DLC1: variants seen among roughly 807,000 people sequenced by gnomAD.
DLC1 encodes rho GTPase-activating protein 7.
Under a neutral mutation model 140.3 loss-of-function variants are expected in DLC1, and 54 were observed. The ratio of observed to expected loss-of-function variants is 0.38; its 90% confidence interval spans 0.31 to 0.48. The LOEUF (loss-of-function observed/expected upper bound fraction) is 0.48, where lower values mean the gene tolerates loss of function less well. Among genes scored for constraint, DLC1 ranks in the 20% least tolerant of loss-of-function variants. The pLI is 0.96. For synonymous variants in DLC1, 986 were observed against 728.1 expected (o/e 1.35, Z -5.70); for missense variants, 2,536 against 1,907.0 (o/e 1.33, Z -6.14).
At chr8:13,581,748 T>C (rs1805106682) in intron 1 of DLC1, among the ~76,000 whole-genome samples, 1 of 152,220 alleles carries the variant, frequency 6.6e-6, no homozygotes, top group Admixed American at 6.5e-5. Flanking sequence ...TCCCATAGAA[T>C]AACACCCAAC....
At chr8:13,236,486 T>C (rs905094333) in intron 5 of DLC1, among the ~76,000 whole-genome samples, 1 of 152,134 alleles carries the variant, frequency 6.6e-6, no homozygotes, top group Admixed American at 6.5e-5. Flanking sequence ...ACCTTGTCCA[T>C]ATAGTCGTTT....
chr8:13,412,311 A>AT (rs924044114), intron 2 of DLC1, among the ~76,000 whole-genome samples: 2 of 152,124 alleles, frequency 1.3e-5, no homozygotes, highest in South Asian at 2.1e-4. Flanking sequence ...TGGAAATAGA[A>AT]TTTTTTTCCC....
At chr8:13,093,666 A>G (rs984145151) in intron 12 of DLC1, among the ~76,000 whole-genome samples, 32 of 152,340 alleles carry the variant, frequency 2.1e-4, no homozygotes, top group African/African-American at 7.7e-4. Flanking sequence ...GTTACAGCAC[A>G]TAACAAATAC....
intron 2 of DLC1, among the ~76,000 whole-genome samples, chr8:13,469,876 T>C (rs974371449): frequency 2.6e-5 from 4 of 152,140 alleles, no homozygotes; most frequent in African/African-American, 9.7e-5. Context: ...ATGAAGAAAA[T>C]TAAATATATA....
At chr8:13,331,305 C>A (rs78555392) in intron 4 of DLC1, among the ~76,000 whole-genome samples, 11,594 of 152,108 alleles carry the variant, frequency 0.076, 882 homozygotes, top group East Asian at 0.36. Flanking sequence ...GGTGGCAATT[C>A]CAATTGGTAG....
chr8:13,135,398 G>A (rs1181002362), intron 5 of DLC1, among the ~76,000 whole-genome samples: 1 of 151,942 alleles, frequency 6.6e-6, no homozygotes. Context: ...AGCCAAGATG[G>A]TCTCGATCTC....
Position 13,094,897 on chromosome 8 carries a change from C to T in DLC1, c.3388G>A (p.Glu1130Lys), listed in dbSNP as rs1330010954. Residue 1130 changes from glutamate (E) to lysine (K), a missense_variant, in exon 12 of 18, where the codon GAA becomes AAA. By Grantham distance (56) the Glu-to-Lys change is moderately conservative (BLOSUM62 1). Transcript: ENST00000276297. ...TAGTTGACACAGTCTATGGCACCTT[C>T]ATTCATCTGGCGCAGAGCCTGAATC... Reference protein sequence around the residue: ...SRIQALRQMNEGAIDCVNYEG... With the variant: ...SRIQALRQMNKGAIDCVNYEG... 1 of 1,614,242 alleles carries T rather than the reference C, an allele frequency of 6.2e-7. No individual in the cohort carries two copies. The highest frequency in any genetic ancestry group is 8.5e-7 in the Non-Finnish European group (1 of 1,180,038).
chr8:13,168,380 G>C (rs1825239355), intron 5 of DLC1, among the ~76,000 whole-genome samples: 1 of 152,138 alleles, frequency 6.6e-6, no homozygotes, highest in African/African-American at 2.4e-5. Context: ...TTGTACTTCA[G>C]TTCCTCATAT....
At chr8:13,192,360 A>G (rs901791607) in intron 5 of DLC1, among the ~76,000 whole-genome samples, 5 of 152,330 alleles carry the variant, frequency 3.3e-5, no homozygotes, top group East Asian at 1.9e-4. Context: ...TAGTAATACA[A>G]AATTCATGAT....
chr8:13,288,913 A>G (rs1366289805), intron 5 of DLC1, among the ~76,000 whole-genome samples: 1 of 152,208 alleles, frequency 6.6e-6, no homozygotes, highest in Non-Finnish European at 1.5e-5. Flanking sequence ...ACCAAAGTTT[A>G]TATCAGTTTT....
At chr8:13,441,690 C>T (rs915055926) in intron 2 of DLC1, among the ~76,000 whole-genome samples, 10 of 152,076 alleles carry the variant, frequency 6.6e-5, no homozygotes, top group Non-Finnish European at 1.3e-4. Context: ...CTACAAACCA[C>T]TGCTCAATGA....
At chr8:13,453,436 ATG>A (rs1162604275) in intron 2 of DLC1, among the ~76,000 whole-genome samples, 1,320 of 24,110 alleles carry the variant, frequency 0.055, 200 homozygotes, top group African/African-American at 0.2. Flanking sequence ...GTATATATAT[ATG>A]TATATATATA....
chr8:13,167,032 A>C (rs536428179), intron 5 of DLC1, among the ~76,000 whole-genome samples: 1 of 152,252 alleles, frequency 6.6e-6, no homozygotes, highest in South Asian at 2.1e-4. Flanking sequence ...AGCAAACAAA[A>C]CCCAGAAAAT....
intron 2 of DLC1, among the ~76,000 whole-genome samples, chr8:13,449,408 G>T (rs1422772993): frequency 2.0e-5 from 3 of 152,168 alleles, no homozygotes; most frequent in Non-Finnish European, 4.4e-5. Context: ...AGAGGAGATT[G>T]TGTTATGTTT....
At chr8:13,240,712 T>C (rs1456220655) in intron 5 of DLC1, among the ~76,000 whole-genome samples, 5 of 152,152 alleles carry the variant, frequency 3.3e-5, no homozygotes, top group African/African-American at 1.2e-4. Context: ...GGATTACAGG[T>C]GTGAGCCACT....
chr8:13,329,295 G>A (rs375327331), intron 4 of DLC1, among the ~76,000 whole-genome samples: 15 of 152,136 alleles, frequency 9.9e-5, no homozygotes, highest in Middle Eastern at 3.4e-3. Context: ...ATTTTTTCAC[G>A]TCAAGACATA....
At chr8:13,270,914 C>G (rs1388425663) in intron 5 of DLC1, among the ~76,000 whole-genome samples, 1 of 152,044 alleles carries the variant, frequency 6.6e-6, no homozygotes, top group Non-Finnish European at 1.5e-5. Flanking sequence ...TCATTTAATC[C>G]TTAAAACCAT....
intron 4 of DLC1, 71 bp from the exon 5 acceptor site, chr8:13,305,373 C>G: frequency 6.9e-7 from 1 of 1,457,240 alleles, no homozygotes; most frequent in South Asian, 1.4e-5. Context: ...AGAAATAAAA[C>G]GAAGTGTAAT....
chr8:13,211,038 C>T (rs995530670), intron 5 of DLC1, among the ~76,000 whole-genome samples: 3 of 152,152 alleles, frequency 2.0e-5, no homozygotes, highest in African/African-American at 7.2e-5. Context: ...CAAGACCCTC[C>T]TGATCTAAAC....
Sources: allele counts gnomAD v4.1 joint callset (sites outside exome capture counted in the v4.1 genomes callset), GRCh38; gene constraint gnomAD v4.1.1; transcripts MANE v1.5; gene names NCBI Gene and HGNC (gene_info 2026-07-23, HGNC 2026-07-21).